Variants in USP25 observed in about 807,000 individuals in gnomAD.
USP25 encodes ubiquitin carboxyl-terminal hydrolase 25.
A neutral mutation model predicts 158.5 loss-of-function variants in USP25; 85 were observed. The observed-to-expected ratio is 0.54, with a 90% CI of 0.45 to 0.64. The LOEUF (loss-of-function observed/expected upper bound fraction) is 0.64. Among genes scored for constraint, USP25 ranks in the 30% least tolerant of loss-of-function variants. The pLI is 0.00. For missense variants in USP25, 1,242 were observed against 1,327.3 expected (o/e 0.94, Z 1.00); for synonymous variants, 464 against 460.4 (o/e 1.01, Z -0.10).
chr21:15,764,050 C>T (rs1437563319), intron 2 of USP25, among the ~76,000 whole-genome samples: 1 of 152,088 alleles, frequency 6.6e-6, no homozygotes, highest in African/African-American at 2.4e-5. Flanking sequence ...TCACCTTATT[C>T]CCCCATCAGG....
At chr21:15,771,283 A>G (rs537523649) in intron 3 of USP25, among the ~76,000 whole-genome samples, 21 of 152,220 alleles carry the variant, frequency 1.4e-4, no homozygotes, top group African/African-American at 4.3e-4. Flanking sequence ...ATAGGATAAT[A>G]TGTGATTTTA....
chr21:15,798,655 G>A (rs2035980124), intron 5 of USP25, among the ~76,000 whole-genome samples: 1 of 151,234 alleles, frequency 6.6e-6, no homozygotes. Context: ...TGAATGAATA[G>A]ATGATTTATT....
chr21:15,874,695 A>G (rs1426934525), intron 24 of USP25, among the ~76,000 whole-genome samples, 169 bp downstream of exon 24: 1 of 152,224 alleles, frequency 6.6e-6, no homozygotes, highest in Non-Finnish European at 1.5e-5. Context: ...TCAGTACTTT[A>G]TTCTTTTCTC....
At chr21:15,852,531 GTTA>G (rs1475463143) in intron 20 of USP25, among the ~76,000 whole-genome samples, 2 of 152,082 alleles carry the variant, frequency 1.3e-5, no homozygotes, top group Non-Finnish European at 2.9e-5. Flanking sequence ...GAATTTAGCT[GTTA>G]TTGTTGTTAG....
intron 23 of USP25, among the ~76,000 whole-genome samples, chr21:15,872,887 T>G (rs745761900): frequency 8.1e-5 from 12 of 149,054 alleles, no homozygotes; most frequent in Non-Finnish European, 1.6e-4. Flanking sequence ...AGTTTAAAAT[T>G]GTGTTTCTTT....
chr21:15,839,945 T>C (rs2038250403), intron 17 of USP25, among the ~76,000 whole-genome samples: 1 of 152,180 alleles, frequency 6.6e-6, no homozygotes, highest in Non-Finnish European at 1.5e-5. Flanking sequence ...CCAGAGTCTT[T>C]GTGAGTTTCT....
intron 2 of USP25, among the ~76,000 whole-genome samples, chr21:15,765,116 G>A (rs76815432): frequency 0.075 from 11,468 of 152,006 alleles, 496 homozygotes; most frequent in East Asian, 0.092. Flanking sequence ...TATTACACCC[G>A]TGTGCATGTC....
intron 10 of USP25, among the ~76,000 whole-genome samples, chr21:15,819,286 A>C (rs1174073002): frequency 6.6e-6 from 1 of 152,206 alleles, no homozygotes; most frequent in Non-Finnish European, 1.5e-5. Context: ...ATAAGGTCAG[A>C]TGGAAGAACT....
chr21:15,823,080 A>G (rs1227870134), intron 10 of USP25, among the ~76,000 whole-genome samples: 1 of 152,034 alleles, frequency 6.6e-6, no homozygotes. Flanking sequence ...AATTTGGTAT[A>G]TTCTTAACTT....
chr21:15,839,110 G>C (rs2038203184), intron 17 of USP25, among the ~76,000 whole-genome samples: 1 of 152,146 alleles, frequency 6.6e-6, no homozygotes. Context: ...TACCTCCATA[G>C]AGAACTGGTC....
chr21:15,818,605 A>T (rs1331322925), intron 9 of USP25, 93 bp from the exon 10 acceptor site: 2 of 1,123,022 alleles, frequency 1.8e-6, no homozygotes, highest in African/African-American at 3.1e-5. Flanking sequence ...TCAGTGTTAC[A>T]ATTTTCAGGT....
At chr21:15,764,166 T>A (rs570973883) in intron 2 of USP25, among the ~76,000 whole-genome samples, 24 of 152,294 alleles carry the variant, frequency 1.6e-4, no homozygotes, top group African/African-American at 5.8e-4. Flanking sequence ...TTTATGATTA[T>A]GACGTTTAGA....
intron 1 of USP25, among the ~76,000 whole-genome samples, chr21:15,747,140 T>C (rs918610925): frequency 6.6e-6 from 1 of 152,154 alleles, no homozygotes; most frequent in Non-Finnish European, 1.5e-5. Flanking sequence ...TTTGGGCTAT[T>C]TATCTTTTTC....
chr21:15,870,647 C>A (rs1034699279), intron 23 of USP25, among the ~76,000 whole-genome samples: 3 of 152,068 alleles, frequency 2.0e-5, no homozygotes, highest in Non-Finnish European at 2.9e-5. Flanking sequence ...GCTTTACTTA[C>A]ATTTTAGGTT....
chr21:15,811,170 G>A lies in USP25; in HGVS notation c.891G>A (p.Glu297=), dbSNP rs375782315. ...AGAAGCCAAAGAACCCCATGGTAGA[G>A]TTGTTCTATGGCAGATTCCTGGCTG... is the stretch of plus-strand genomic sequence containing the variant. ...DEEKPKNPMV[E]LFYGRFLAVG... is the part of the protein sequence containing the mutation. The change falls in exon 9 of 26, where the codon GAG becomes GAA. Residue 297 remains glutamate (E), a synonymous_variant. Transcript: ENST00000400183. 2 of 1,612,934 alleles carry A rather than the reference G, an allele frequency of 1.2e-6. No homozygotes were observed. Among genetic ancestry groups the A allele is most frequent in the East Asian group, 2.2e-5 (1 of 44,790 alleles).
intron 18 of USP25, among the ~76,000 whole-genome samples, chr21:15,842,773 A>G (rs555937453): frequency 4.6e-5 from 7 of 152,194 alleles, no homozygotes; most frequent in South Asian, 2.1e-4. Flanking sequence ...AGAGAATTCT[A>G]ATGAATCATA....
intron 20 of USP25, among the ~76,000 whole-genome samples, chr21:15,857,731 A>G (rs2039225100): frequency 6.6e-6 from 1 of 152,056 alleles, no homozygotes; most frequent in Non-Finnish European, 1.5e-5. Flanking sequence ...AGATCTTATA[A>G]AATACAGCAA....
intron 7 of USP25, among the ~76,000 whole-genome samples, chr21:15,806,349 T>C (rs989578253): frequency 5.3e-5 from 8 of 152,068 alleles, no homozygotes; most frequent in Non-Finnish European, 7.4e-5. Flanking sequence ...AGTATACAAT[T>C]AAATTTTTTA....
intron 14 of USP25, among the ~76,000 whole-genome samples, chr21:15,828,441 A>T (rs750788742): frequency 6.6e-6 from 1 of 152,096 alleles, no homozygotes; most frequent in Admixed American, 6.6e-5. Context: ...TACTTAAAAT[A>T]CTCTTTGGAG....
Sources: allele counts gnomAD v4.1 joint callset (sites outside exome capture counted in the v4.1 genomes callset), GRCh38; gene constraint gnomAD v4.1.1; transcripts MANE v1.5; gene names NCBI Gene and HGNC (gene_info 2026-07-23, HGNC 2026-07-21).